Variants in PKD1L3 observed in about 807,000 individuals in gnomAD.
PKD1L3 encodes the protein polycystin-1-like protein 3.
In PKD1L3, 239 loss-of-function variants were observed where a neutral mutation model predicts 184.1. The ratio of observed to expected loss-of-function variants is 1.30; its 90% CI spans 1.17 to 1.45. The LOEUF (loss-of-function observed/expected upper bound fraction) is 1.45. Ranked by LOEUF, PKD1L3 falls within the 40% of genes most tolerant of loss-of-function variation. The pLI is 0.00. For synonymous variants in PKD1L3, 996 were observed against 778.8 expected (o/e 1.28, Z -4.64); for missense variants, 2,660 against 2,067.2 (o/e 1.29, Z -5.56).
At chr16:71,952,873 A>T (rs1053022044) in intron 18 of PKD1L3, 21 bp downstream of exon 18, 1 of 1,523,442 alleles carries the variant, frequency 6.6e-7, no homozygotes, top group Non-Finnish European at 8.8e-7. Flanking sequence ...AAGATAAAAT[A>T]AAATTTGATA....
intron 3 of PKD1L3, among the ~76,000 whole-genome samples, chr16:71,992,360 T>C (rs964610235): frequency 6.6e-6 from 1 of 152,216 alleles, no homozygotes; most frequent in East Asian, 1.9e-4. Flanking sequence ...TCTATTTAAT[T>C]CAGTAATTTA....
At chr16:71,997,295 A>C (rs1316116826) in intron 2 of PKD1L3, among the ~76,000 whole-genome samples, 2 of 151,762 alleles carry the variant, frequency 1.3e-5, no homozygotes, top group Non-Finnish European at 2.9e-5. Flanking sequence ...TTTTTTTAAG[A>C]AATCACCAAG....
intron 7 of PKD1L3, among the ~76,000 whole-genome samples, chr16:71,981,698 G>A (rs2040165146): frequency 6.6e-6 from 1 of 151,962 alleles, no homozygotes; most frequent in African/African-American, 2.4e-5. Context: ...GTACCACAAT[G>A]CCTGGCTCAT....
chr16:71,958,386 CA>C (rs35815882), intron 16 of PKD1L3, among the ~76,000 whole-genome samples: 140 of 105,498 alleles, frequency 1.3e-3, no homozygotes, highest in Middle Eastern at 9.7e-3. Flanking sequence ...GACTCCGTCT[CA>C]AAAAAAAAAA....
intron 16 of PKD1L3, among the ~76,000 whole-genome samples, chr16:71,959,613 C>T (rs1055550170): frequency 6.6e-6 from 1 of 152,042 alleles, no homozygotes; most frequent in African/African-American, 2.4e-5. Context: ...TACTCAAGAA[C>T]GGTTAAAGCA....
intron 4 of PKD1L3, among the ~76,000 whole-genome samples, chr16:71,990,040 T>C (rs1239242809): frequency 1.3e-5 from 2 of 149,126 alleles, no homozygotes; most frequent in Middle Eastern, 3.2e-3. Context: ...GATGGCACCA[T>C]TGCACTCCAG....
At chr16:71,989,621 C>T (rs2040511081) in intron 4 of PKD1L3, among the ~76,000 whole-genome samples, 3 of 152,208 alleles carry the variant, frequency 2.0e-5, no homozygotes, top group Admixed American at 2.0e-4. Flanking sequence ...TGGACAGTTT[C>T]TACCTTTATT....
At chr16:71,982,805 G>A (rs947304708) in intron 6 of PKD1L3, among the ~76,000 whole-genome samples, 5 of 151,948 alleles carry the variant, frequency 3.3e-5, no homozygotes, top group Non-Finnish European at 5.9e-5. Flanking sequence ...TATTGCCCAG[G>A]CTGGTCTCAA....
chr16:71,983,920 T>G, intron 6 of PKD1L3, 116 bp downstream of exon 6: 1 of 1,372,894 alleles, frequency 7.3e-7, no homozygotes, highest in Non-Finnish European at 9.7e-7. Flanking sequence ...GCCTCGGCCT[T>G]CTAAAGTGCT....
intron 22 of PKD1L3, among the ~76,000 whole-genome samples, chr16:71,947,280 T>C (rs557134511): frequency 6.6e-6 from 1 of 151,920 alleles, no homozygotes; most frequent in Admixed American, 6.6e-5. Context: ...TTAAATAAAA[T>C]GCAGGGGAGA....
intron 19 of PKD1L3, among the ~76,000 whole-genome samples, chr16:71,951,139 A>G (rs1379997866): frequency 1.3e-5 from 2 of 151,916 alleles, no homozygotes; most frequent in Non-Finnish European, 2.9e-5. Context: ...TCCTGAGTTC[A>G]AGCAATTCTC....
intron 16 of PKD1L3, among the ~76,000 whole-genome samples, chr16:71,957,691 G>T (rs74027724): frequency 0.056 from 8,488 of 152,120 alleles, 741 homozygotes; most frequent in African/African-American, 0.19. Context: ...TAGCTACTCG[G>T]GAGGCTAAGG....
intron 16 of PKD1L3, among the ~76,000 whole-genome samples, chr16:71,960,616 T>C (rs1402910995): frequency 6.6e-6 from 1 of 151,950 alleles, no homozygotes; most frequent in African/African-American, 2.4e-5. Context: ...ATATAAAATA[T>C]GTCTATACGG....
chr16:71,962,776 G>A (rs1275990453), intron 16 of PKD1L3, among the ~76,000 whole-genome samples: 1 of 152,196 alleles, frequency 6.6e-6, no homozygotes, highest in Admixed American at 6.5e-5. Context: ...CACGGTGCCT[G>A]GCCAGTTTAC....
At chr16:71,965,664 C>T (rs2039474064) in intron 15 of PKD1L3, among the ~76,000 whole-genome samples, 1 of 151,912 alleles carries the variant, frequency 6.6e-6, no homozygotes, top group Non-Finnish European at 1.5e-5. Flanking sequence ...AGCAATTCTC[C>T]TGCCTCGGTC....
At chr16:71,967,105 G>A in intron 15 of PKD1L3, 32 bp downstream of exon 15, 1 of 1,533,628 alleles carries the variant, frequency 6.5e-7, no homozygotes, top group Non-Finnish European at 8.8e-7. Flanking sequence ...CCACAAAGCA[G>A]CAGCAACAGC....
At chr16:71,932,380 AAAT>A (rs1357577687) in intron 28 of PKD1L3, among the ~76,000 whole-genome samples, 3 of 152,290 alleles carry the variant, frequency 2.0e-5, no homozygotes, top group Non-Finnish European at 2.9e-5. Context: ...TCCTGGGAGG[AAAT>A]AATAGGCTCT....
intron 12 of PKD1L3, among the ~76,000 whole-genome samples, chr16:71,972,613 G>A (rs1194755188): frequency 6.6e-6 from 1 of 152,052 alleles, no homozygotes; most frequent in African/African-American, 2.4e-5. Flanking sequence ...GAGCCCAGGA[G>A]GTTGAGGCTG....
chr16:71,993,537 C>T (rs2040672684), intron 2 of PKD1L3, among the ~76,000 whole-genome samples: 1 of 152,172 alleles, frequency 6.6e-6, no homozygotes, highest in Non-Finnish European at 1.5e-5. Context: ...ATTAAGTTCA[C>T]TAGTTGGGTC....
Sources: gnomAD v4.1 joint callset for allele counts (sites outside exome capture counted in the v4.1 genomes callset) on GRCh38, gnomAD v4.1.1 for gene constraint, MANE v1.5 for transcripts, NCBI Gene and HGNC (gene_info 2026-07-23, HGNC 2026-07-21) for gene names.